ANKFN1: variants seen among roughly 807,000 people sequenced by gnomAD.
ANKFN1 encodes ankyrin repeat and fibronectin type-III domain-containing protein 1.
Under a neutral mutation model 108.7 loss-of-function variants are expected in ANKFN1, and 74 were observed. That is an observed-to-expected ratio of 0.68 (90% CI 0.56 to 0.83). The LOEUF (loss-of-function observed/expected upper bound fraction) is 0.83, where lower values mean the gene tolerates loss of function less well. Among genes scored for constraint, ANKFN1 ranks in the 40% least tolerant of loss-of-function variants. ANKFN1 has a pLI of 0.00. For missense variants in ANKFN1, 1,505 were observed against 1,382.3 expected (o/e 1.09, Z -1.41); for synonymous variants, 547 against 516.2 (o/e 1.06, Z -0.81).
chr17:56,112,940 G>A (rs1250492748), intron 4 of ANKFN1, among the ~76,000 whole-genome samples: 4 of 152,186 alleles, frequency 2.6e-5, no homozygotes, highest in African/African-American at 9.7e-5. Context: ...GTGTGTATGT[G>A]TGTACTTCTA....
At chr17:56,298,432 T>C (rs1172931467) in intron 3 of ANKFN1, among the ~76,000 whole-genome samples, 1 of 152,256 alleles carries the variant, frequency 6.6e-6, no homozygotes, top group Non-Finnish European at 1.5e-5. Flanking sequence ...TCATACCATA[T>C]TAAGATTGTC....
At chr17:56,164,878 C>G (rs1910006329) in intron 1 of ANKFN1, among the ~76,000 whole-genome samples, 2 of 152,158 alleles carry the variant, frequency 1.3e-5, no homozygotes. Context: ...AAAATTATAA[C>G]CTACGAAGAA....
At chr17:56,131,645 C>T (rs911820230) in intron 4 of ANKFN1, among the ~76,000 whole-genome samples, 3 of 152,120 alleles carry the variant, frequency 2.0e-5, no homozygotes, top group Non-Finnish European at 4.4e-5. Context: ...CTTCTGGACA[C>T]GGATGTAGCA....
chr17:56,457,500 A>T, intron 13 of ANKFN1, 111 bp downstream of exon 13: 1 of 1,241,772 alleles, frequency 8.1e-7, no homozygotes, highest in Non-Finnish European at 1.1e-6. Context: ...TGGGGTAGAA[A>T]TAAAGTATCT....
chr17:56,418,339 T>C (rs1453797627), intron 8 of ANKFN1, among the ~76,000 whole-genome samples: 3 of 152,208 alleles, frequency 2.0e-5, no homozygotes, highest in Non-Finnish European at 2.9e-5. Context: ...TTGCCTGATA[T>C]AATTCTGGAA....
intron 4 of ANKFN1, among the ~76,000 whole-genome samples, chr17:56,329,876 A>G (rs2045614796): frequency 6.6e-6 from 1 of 152,198 alleles, no homozygotes; most frequent in South Asian, 2.1e-4. Flanking sequence ...AGAGCTAACT[A>G]GTTCCTTCCG....
intron 1 of ANKFN1, among the ~76,000 whole-genome samples, chr17:56,193,458 T>C (rs1483811935): frequency 6.6e-6 from 1 of 150,958 alleles, no homozygotes; most frequent in South Asian, 2.1e-4. Flanking sequence ...TTTGTAGCGT[T>C]TTTAAAAAAA....
chr17:56,214,899 G>A (rs909321808), intron 2 of ANKFN1, among the ~76,000 whole-genome samples: 5 of 152,214 alleles, frequency 3.3e-5, no homozygotes, highest in Admixed American at 6.5e-5. Context: ...AAATAAGGAT[G>A]TATAGCAATG....
At chr17:56,289,317 C>T (rs2044299707) in intron 3 of ANKFN1, among the ~76,000 whole-genome samples, 2 of 152,116 alleles carry the variant, frequency 1.3e-5, no homozygotes, top group African/African-American at 2.4e-5. Context: ...TGCTGGTGTT[C>T]AGAAACAGTT....
chr17:56,199,469 C>T (rs1384184048), intron 1 of ANKFN1, among the ~76,000 whole-genome samples: 2 of 152,128 alleles, frequency 1.3e-5, no homozygotes, highest in East Asian at 3.9e-4. Context: ...GTTTTCATTA[C>T]ATTGGCCTGA....
intron 4 of ANKFN1, among the ~76,000 whole-genome samples, chr17:56,057,997 T>C (rs1904910051): frequency 6.6e-6 from 1 of 152,214 alleles, no homozygotes. Context: ...TTTTCAACAA[T>C]GGATTTAAAA....
intron 4 of ANKFN1, among the ~76,000 whole-genome samples, chr17:56,121,748 T>A (rs756574197): frequency 6.6e-6 from 1 of 152,188 alleles, no homozygotes; most frequent in Non-Finnish European, 1.5e-5. Flanking sequence ...AATAAAGGGA[T>A]CATTAACATT....
At chr17:56,272,522 G>A (rs1451174420) in intron 3 of ANKFN1, among the ~76,000 whole-genome samples, 4 of 152,050 alleles carry the variant, frequency 2.6e-5, no homozygotes, top group Non-Finnish European at 5.9e-5. Flanking sequence ...CCTTTTTAAG[G>A]CTGAATAATA....
chr17:56,347,593 G>A (rs1219059299), intron 4 of ANKFN1, among the ~76,000 whole-genome samples: 1 of 151,950 alleles, frequency 6.6e-6, no homozygotes, highest in Non-Finnish European at 1.5e-5. Flanking sequence ...AGTTGGGAGG[G>A]TCATGCATAT....
intron 19 of ANKFN1, among the ~76,000 whole-genome samples, chr17:56,495,456 G>A (rs937732830): frequency 1.3e-5 from 2 of 152,134 alleles, no homozygotes. Context: ...AGTTGTGAGA[G>A]CATTTGTATG....
At chr17:56,224,790 T>C (rs1380483789) in intron 2 of ANKFN1, 1 of 152,254 alleles carries the variant, frequency 6.6e-6, no homozygotes, top group Non-Finnish European at 1.5e-5. Context: ...TCCTCAGTGT[T>C]CAGCACAGTT....
intron 8 of ANKFN1, among the ~76,000 whole-genome samples, chr17:56,422,216 A>T (rs1217025319): frequency 6.6e-6 from 1 of 152,228 alleles, no homozygotes; most frequent in African/African-American, 2.4e-5. Flanking sequence ...CACCTTGCTA[A>T]CGCATGGTAC....
chr17:56,181,241 C>A (rs1004606880), intron 1 of ANKFN1, among the ~76,000 whole-genome samples: 1 of 152,126 alleles, frequency 6.6e-6, no homozygotes, highest in African/African-American at 2.4e-5. Context: ...TAGAGCTATT[C>A]CTACATATTT....
chr17:56,175,928 G>A (rs984932457), intron 1 of ANKFN1, among the ~76,000 whole-genome samples: 1 of 151,866 alleles, frequency 6.6e-6, no homozygotes, highest in Non-Finnish European at 1.5e-5. Flanking sequence ...AGATAGTAGG[G>A]GGGTGGGGGA....
Sources: allele counts gnomAD v4.1 joint callset (sites outside exome capture counted in the v4.1 genomes callset), GRCh38; gene constraint gnomAD v4.1.1; transcripts MANE v1.5; gene names NCBI Gene and HGNC (gene_info 2026-07-23, HGNC 2026-07-21).